ZNF333: variants seen among roughly 807,000 people sequenced by gnomAD.
ZNF333 encodes zinc finger protein 333.
Under a neutral mutation model 76.1 loss-of-function variants are expected in ZNF333, and 61 were observed. The ratio of observed to expected loss-of-function variants is 0.80; its 90% CI spans 0.65 to 0.99. The LOEUF (loss-of-function observed/expected upper bound fraction) is 0.99. Ranked by LOEUF, ZNF333 falls within the 50% of genes least tolerant of loss-of-function variation. The pLI is 0.00. For missense variants in ZNF333, 717 were observed against 822.4 expected (o/e 0.87, Z 1.57); for synonymous variants, 284 against 305.0 (o/e 0.93, Z 0.72).
intron 7 of ZNF333, among the ~76,000 whole-genome samples, chr19:14,712,344 C>T (rs1027689558): frequency 2.6e-5 from 4 of 151,930 alleles, no homozygotes; most frequent in Admixed American, 1.3e-4. Flanking sequence ...CTCAGCCTCC[C>T]GAGTGGCTGG....
At chr19:14,707,549 C>CTTTTTTTTT (rs751633025) in intron 7 of ZNF333, among the ~76,000 whole-genome samples, 11 of 115,686 alleles carry the variant, frequency 9.5e-5, no homozygotes, top group East Asian at 2.6e-4. Context: ...AGCTTTGTTT[C>CTTTTTTTTT]TTTTTTTTTT....
At chr19:14,718,165 A>T (rs1315340115) in intron 11 of ZNF333, 63 bp from the exon 12 acceptor site, 3 of 1,538,180 alleles carry the variant, frequency 2.0e-6, no homozygotes, top group Non-Finnish European at 1.7e-6. Flanking sequence ...TTCATTTCAC[A>T]TAGGGGAGAA....
At position 14,695,625 on chromosome 19, in the gene ZNF333, G is replaced by A. The variant is rs760050695; in HGVS notation, c.187G>A (p.Ala63Thr). The A allele has an allele frequency of 5.0e-6, 8 of 1,614,052 alleles. No individual in the cohort carries two copies. The Admixed American group carries it at 8.3e-5, about 17-fold the overall frequency. Residue 63 changes from alanine to threonine, a missense_variant, in exon 4 of 12, where the codon GCA becomes ACA. Coordinates refer to ENST00000292530, the MANE Select transcript of ZNF333 (RefSeq NM_032433.4). Reference protein sequence around the residue: ...SQLGQRAEPKATERGILRATG... With the variant: ...SQLGQRAEPKTTERGILRATG... The stretch of plus-strand genomic sequence containing the variant: ...GCTGGGGCAAAGAGCAGAGCCAAAG[G>A]CAACAGAACGAGGGATTCTCCGTGC...
rs183687509 is a variant in ZNF333 at position 14,695,376 on chromosome 19, G to C, written c.128-190G>C. 1.1e-4 allele frequency among the ~76,000 whole-genome samples: 17 copies of C among 152,294 alleles called. 1 individual carries two copies. The East Asian group carries it at 3.1e-3, about 28-fold the overall frequency. On this transcript the variant is annotated intron_variant, in intron 3 of 11. Coordinates refer to ENST00000292530, the MANE Select transcript of ZNF333 (RefSeq NM_032433.4). ...TCAGCCCCTTGGGGCAGAGGGGAGG[G>C]TGTTTGTGGGTTGGGTCCTGAGTTC...
chr19:14,694,470 CA>C (rs35588096), intron 2 of ZNF333, among the ~76,000 whole-genome samples: 87,902 of 146,970 alleles, frequency 0.6, 25,976 homozygotes, highest in South Asian at 0.72. Context: ...AAGACTGTCT[CA>C]AAAAAAAAAA....
In ZNF333 at chr19:14,721,663, ATTCTGTTTACAAACATTTGAGT is replaced by A. The variant is rs2042589353; in HGVS notation, c.*2340_*2361del. 6.6e-6 allele frequency: 1 copy of A among 152,186 alleles called. No individual in the cohort carries two copies. The highest frequency in any genetic ancestry group is 1.5e-5 in the Non-Finnish European group (1 of 68,024). 9.4% of individuals were successfully genotyped at this position (152,186 alleles called of 1,614,324 possible). A position where few individuals can be genotyped will look rare whatever the true frequency, so the allele number is the denominator to read the frequency against. On this transcript the variant is annotated 3_prime_UTR_variant, in exon 12 of 12. Transcript: ENST00000292530. ...GAATATACCACAATTTAAAAATTCT[ATTCTGTTTACAAACATTTGAGT>A]TCTGTCCTCCAGGTTCATCCATGTT...
At chr19:14,699,010 G>C (rs1246398246) in intron 4 of ZNF333, among the ~76,000 whole-genome samples, 189 bp from the exon 5 acceptor site, 1 of 149,184 alleles carries the variant, frequency 6.7e-6, no homozygotes, top group African/African-American at 2.5e-5. Context: ...ATTCATTTCA[G>C]ACTGGAAATC....
intron 11 of ZNF333, 60 bp from the exon 12 acceptor site, chr19:14,718,168 G>T (rs890349597): frequency 9.1e-6 from 14 of 1,540,038 alleles, no homozygotes; most frequent in South Asian, 1.3e-5. Flanking sequence ...ATTTCACATA[G>T]GGGAGAATAT....
At chr19:14,702,021 A>G in intron 5 of ZNF333, 1 of 514,888 alleles carries the variant, frequency 1.9e-6, no homozygotes, top group African/African-American at 2.1e-5. Flanking sequence ...CCCTTTAGGT[A>G]GCCCTTCCAG....
exon 12 of ZNF333, chr19:14,732,895 A>G (rs1449707162): frequency 6.6e-6 from 1 of 152,226 alleles, no homozygotes; most frequent in Non-Finnish European, 1.5e-5. Context: ...GTTGCTGTAA[A>G]TACCTGGCTC....
At chr19:14,724,845 A>C (rs1259197034), downstream of ZNF333, among the ~76,000 whole-genome samples, 6 of 152,254 alleles carry the variant, frequency 3.9e-5, no homozygotes, top group Admixed American at 2.6e-4. Context: ...CATGTGCATT[A>C]ATTCTTTCCG....
chr19:14,698,521 G>A (rs1192231607), intron 4 of ZNF333, among the ~76,000 whole-genome samples: 3 of 151,822 alleles, frequency 2.0e-5, no homozygotes, highest in Non-Finnish European at 1.5e-5. Flanking sequence ...CTCCAGCCTG[G>A]GTGACAGAGT....
rs1445775759 is a variant in ZNF333, at chr19:14,718,704, C to T, written c.1377C>T (p.Phe459=). 7 of 1,614,012 alleles carry T rather than the reference C, an allele frequency of 4.3e-6. No homozygotes were observed. Among genetic ancestry groups the T allele is most frequent in the South Asian group, 2.2e-5 (2 of 91,080 alleles). The part of the protein sequence containing the change: ...PYECKDCGKA[F]NQPSSLRSHV... Reference sequence around the variant, plus strand: ...AGTGTAAAGATTGTGGGAAAGCCTTCAATCAGCCATCATCCCTCAGGAGCC... The same window carrying T: ...AGTGTAAAGATTGTGGGAAAGCCTTTAATCAGCCATCATCCCTCAGGAGCC... Residue 459 remains phenylalanine, a synonymous_variant, in exon 12 of 12, where the codon TTC becomes TTT. Transcript: ENST00000292530.
At chr19:14,716,015 C>A in intron 8 of ZNF333, 97 bp from the exon 9 acceptor site, 1 of 1,567,490 alleles carries the variant, frequency 6.4e-7, no homozygotes, top group East Asian at 2.2e-5. Flanking sequence ...AGTCCTCTGC[C>A]TGGGTTTTCC....
chr19:14,695,646 C>T lies in ZNF333; in HGVS notation c.208C>T (p.Arg70Cys), dbSNP rs780002923. 2.4e-5 allele frequency: 39 copies of T among 1,613,998 alleles called. No homozygotes were observed. The highest frequency in any genetic ancestry group is 1.6e-4 in the Middle Eastern group (1 of 6,082). ...AAAGGCAACAGAACGAGGGATTCTC[C>T]GTGCCACAGGTGTTGGTGAGTACCA... is the stretch of plus-strand genomic sequence containing the variant. ...EPKATERGIL[R>C]ATGVAWESQL... The change falls in exon 4 of 12, where the codon CGT (arginine) becomes TGT (cysteine). Residue 70 changes from arginine (R) to cysteine (C), a missense_variant. Coordinates refer to ENST00000292530, the MANE Select transcript of ZNF333 (RefSeq NM_032433.4).
chr19:14,698,020 G>A (rs1448439033), intron 4 of ZNF333, among the ~76,000 whole-genome samples: 1 of 152,016 alleles, frequency 6.6e-6, no homozygotes, highest in Admixed American at 6.6e-5. Flanking sequence ...TCCTATGACT[G>A]CCAGAGTCCA....
chr19:14,707,672 C>A (rs148551856), intron 7 of ZNF333, among the ~76,000 whole-genome samples: 4,710 of 151,090 alleles, frequency 0.031, 240 homozygotes, highest in African/African-American at 0.099. Context: ...CTGCCTCAGC[C>A]TCCCGAGTAG....
At chr19:14,707,959 A>G (rs2042163915) in intron 7 of ZNF333, 1 of 400,916 alleles carries the variant, frequency 2.5e-6, no homozygotes, top group Non-Finnish European at 4.4e-6. Flanking sequence ...TCTTCAGTAT[A>G]TTTTTGGTAA....
chr19:14,695,277 C>A (rs979894584), intron 3 of ZNF333, 144 bp downstream of exon 3: 2 of 1,272,816 alleles, frequency 1.6e-6, no homozygotes, highest in African/African-American at 1.5e-5. Context: ...GTTGCATTGA[C>A]TTCTTTCCCT....
Sources: gnomAD v4.1 joint callset for allele counts (sites outside exome capture counted in the v4.1 genomes callset) on GRCh38, gnomAD v4.1.1 for gene constraint, MANE v1.5 for transcripts, NCBI Gene and HGNC (gene_info 2026-07-23, HGNC 2026-07-21) for gene names.